HSD17B12: variants seen among roughly 807,000 people sequenced by gnomAD.
The protein encoded by HSD17B12 is hydroxysteroid 17-beta dehydrogenase 12, also known as very-long-chain 3-oxoacyl-CoA reductase.
HSD17B12 carries 32 observed loss-of-function variants against 39.3 expected under a neutral mutation model. The ratio of observed to expected loss-of-function variants is 0.81; its 90% CI spans 0.61 to 1.09. The LOEUF (loss-of-function observed/expected upper bound fraction) is 1.09, where lower values mean the gene tolerates loss of function less well. Among genes scored for constraint, HSD17B12 ranks in the 50% least tolerant of loss-of-function variants. The pLI is 0.00. For synonymous variants in HSD17B12, 150 were observed against 146.7 expected (o/e 1.02, Z -0.16); for missense variants, 342 against 382.9 (o/e 0.89, Z 0.89).
At chr11:43,616,234 C>G in the HSD17B12 span, among the ~76,000 whole-genome samples, 1 of 151,898 alleles carries the variant, frequency 6.6e-6, no homozygotes, top group South Asian at 2.1e-4. Context: ...ACGGTGAAAC[C>G]CCGTCTCTAC....
At chr11:43,845,180 C>T (rs1951463462) in intron 9 of HSD17B12, among the ~76,000 whole-genome samples, 1 of 152,184 alleles carries the variant, frequency 6.6e-6, no homozygotes, top group African/African-American at 2.4e-5. Context: ...GACAGGGTCT[C>T]ACTTTGTCAC....
chr11:43,641,878 A>T, the HSD17B12 span, among the ~76,000 whole-genome samples: 6 of 152,060 alleles, frequency 3.9e-5, no homozygotes, highest in South Asian at 1.0e-3. Flanking sequence ...AAATGCTTTG[A>T]AGTATTTTAT....
chr11:43,608,854 T>C, the HSD17B12 span, among the ~76,000 whole-genome samples: 1 of 152,190 alleles, frequency 6.6e-6, no homozygotes, highest in Admixed American at 6.5e-5. Flanking sequence ...ATGGGAATAA[T>C]AGTATCTCCC....
the HSD17B12 span, among the ~76,000 whole-genome samples, chr11:43,632,449 TG>T: frequency 6.6e-6 from 1 of 152,240 alleles, no homozygotes; most frequent in African/African-American, 2.4e-5. Flanking sequence ...AAAAGAAAGC[TG>T]ATGTCATTGG....
intron 4 of HSD17B12, among the ~76,000 whole-genome samples, chr11:43,806,022 G>C (rs1296321292): frequency 6.6e-6 from 1 of 152,234 alleles, no homozygotes; most frequent in Admixed American, 6.5e-5. Flanking sequence ...CATAGGGCAA[G>C]GTCTGCGGGG....
chr11:43,835,868 A>G (rs7931097), intron 7 of HSD17B12, among the ~76,000 whole-genome samples: 96,633 of 151,964 alleles, frequency 0.64, 31,176 homozygotes, highest in East Asian at 0.7. Context: ...GGATGACTGC[A>G]TGAATGTGAC....
chr11:43,572,915 T>C, the HSD17B12 span, among the ~76,000 whole-genome samples: 3 of 152,348 alleles, frequency 2.0e-5, no homozygotes, highest in Middle Eastern at 3.4e-3. Flanking sequence ...GGAGCTGGAC[T>C]GTTTTTCCTT....
At position 43,783,323 on chromosome 11, in the gene HSD17B12, C is replaced by T. The variant is rs905144314; in HGVS notation, c.284-14997C>T. Among the ~76,000 whole-genome samples, 5 of 151,352 alleles carry T rather than the reference C, an allele frequency of 3.3e-5. No individual in the cohort carries two copies. In the East Asian group the frequency reaches 9.7e-4, roughly 29 times the overall value. ...TTTAGGAGACTGCAGTAAGTACATA[C>T]TAAGGCAGCATTCTCAAACTTTTTA... On this transcript the variant is annotated intron_variant, in intron 3 of 10. Transcript: ENST00000278353.
the HSD17B12 span, among the ~76,000 whole-genome samples, chr11:43,575,560 C>T: frequency 6.6e-6 from 1 of 152,234 alleles, no homozygotes; most frequent in Non-Finnish European, 1.5e-5. The surrounding 1 kb of genome is among the most constrained non-coding windows in gnomAD (Gnocchi z 4.1). Context: ...TTGCCCGGTG[C>T]AGACTAGGCT....
the HSD17B12 span, among the ~76,000 whole-genome samples, chr11:43,604,642 C>A: frequency 2.6e-5 from 4 of 152,274 alleles, no homozygotes; most frequent in East Asian, 3.9e-4. Context: ...GTACAGGATT[C>A]TTCTAATGAG....
chr11:43,806,063 C>A (rs1280225496), intron 4 of HSD17B12, among the ~76,000 whole-genome samples: 11 of 152,316 alleles, frequency 7.2e-5, no homozygotes. Flanking sequence ...TAAGCCCTGT[C>A]CTGGTGGAGT....
intron 1 of HSD17B12, among the ~76,000 whole-genome samples, chr11:43,722,276 CT>C (rs1469797465): frequency 6.6e-6 from 1 of 152,182 alleles, no homozygotes; most frequent in Non-Finnish European, 1.5e-5. Context: ...TATCTTACAG[CT>C]CTTTATATGT....
chr11:43,605,965 G>A, the HSD17B12 span, among the ~76,000 whole-genome samples: 1 of 152,132 alleles, frequency 6.6e-6, no homozygotes, highest in Non-Finnish European at 1.5e-5. Context: ...TGGCTGAGGA[G>A]CCCAGAGTAT....
the HSD17B12 span, among the ~76,000 whole-genome samples, chr11:43,657,737 T>A: frequency 1.3e-5 from 2 of 152,364 alleles, no homozygotes; most frequent in East Asian, 3.9e-4. Flanking sequence ...ACCCCCAGTC[T>A]CTTCTGGCTT....
the HSD17B12 span, among the ~76,000 whole-genome samples, chr11:43,561,166 G>A: frequency 6.6e-6 from 1 of 152,172 alleles, no homozygotes; most frequent in African/African-American, 2.4e-5. Context: ...TACCCTGACT[G>A]ATCTGTACTT....
chr11:43,763,019 A>C (rs570553824), intron 3 of HSD17B12, among the ~76,000 whole-genome samples: 6 of 152,320 alleles, frequency 3.9e-5, no homozygotes, highest in Admixed American at 6.5e-5. Context: ...GAACTAATTA[A>C]AGATGTGGAA....
At chr11:43,754,698 C>T (rs1182679796) in intron 3 of HSD17B12, among the ~76,000 whole-genome samples, 1 of 152,140 alleles carries the variant, frequency 6.6e-6, no homozygotes, top group Non-Finnish European at 1.5e-5. Context: ...ATTATTTTAT[C>T]GTATTCTGCT....
At chr11:43,842,713 G>T (rs1052986098) in intron 9 of HSD17B12, among the ~76,000 whole-genome samples, 5 of 152,168 alleles carry the variant, frequency 3.3e-5, no homozygotes, top group African/African-American at 1.2e-4. Flanking sequence ...TCTTTCTGAT[G>T]AATCTAATTG....
intron 1 of HSD17B12, among the ~76,000 whole-genome samples, chr11:43,698,047 T>C (rs1229593298): frequency 6.6e-6 from 1 of 151,926 alleles, no homozygotes; most frequent in Non-Finnish European, 1.5e-5. Flanking sequence ...AAACCAGGCA[T>C]TGGGTGGTGG....
Sources: allele counts gnomAD v4.1 joint callset (sites outside exome capture counted in the v4.1 genomes callset), GRCh38; gene constraint gnomAD v4.1.1; non-coding constraint Gnocchi (gnomAD v3.1); transcripts MANE v1.5; gene names NCBI Gene and HGNC (gene_info 2026-07-23, HGNC 2026-07-21).